SHANK2: variants seen among roughly 807,000 people sequenced by gnomAD.
SHANK2 encodes the protein SH3 and multiple ankyrin repeat domains protein 2.
Under a neutral mutation model 133.7 loss-of-function variants are expected in SHANK2, and 43 were observed. The observed-to-expected ratio is 0.32, with a 90% confidence interval of 0.25 to 0.41. The LOEUF is 0.41. Among genes scored for constraint, SHANK2 ranks in the 10% least tolerant of loss-of-function variants. The probability of loss-of-function intolerance (pLI) is 1.00; values close to 1 mark genes in which losing one functional copy is unlikely to be tolerated. For missense variants in SHANK2, 1,994 were observed against 2,235.8 expected, an observed-to-expected ratio of 0.89 and a Z score of 2.18; for synonymous variants, 1,017 against 952.8, an observed-to-expected ratio of 1.07 and a Z score of -1.24.
intron 2 of SHANK2, among the ~76,000 whole-genome samples, chr11:71,160,763 G>A (rs34661164): frequency 1.1e-4 from 16 of 152,292 alleles, no homozygotes; most frequent in African/African-American, 3.4e-4. Flanking sequence ...CCACTCCAAC[G>A]TATGCCATTT....
intron 1 of SHANK2, among the ~76,000 whole-genome samples, chr11:71,236,803 G>A (rs747366999): frequency 3.3e-5 from 5 of 152,188 alleles, no homozygotes; most frequent in African/African-American, 4.8e-5. Flanking sequence ...TTGATAGAGC[G>A]AGACTCTTGT....
At chr11:70,940,883 G>A (rs1555084315) in intron 10 of SHANK2, among the ~76,000 whole-genome samples, 1 of 152,144 alleles carries the variant, frequency 6.6e-6, no homozygotes, top group Non-Finnish European at 1.5e-5. Flanking sequence ...AGGGGTCATG[G>A]GCACTTCCTT....
intron 3 of SHANK2, among the ~76,000 whole-genome samples, chr11:71,137,787 C>T (rs1952475480): frequency 1.3e-5 from 2 of 152,196 alleles, no homozygotes; most frequent in Admixed American, 6.5e-5. Context: ...AGGATCACGA[C>T]CACCCAAGCT....
At chr11:71,221,220 A>G (rs1954532178) in intron 2 of SHANK2, among the ~76,000 whole-genome samples, 1 of 151,744 alleles carries the variant, frequency 6.6e-6, no homozygotes, top group African/African-American at 2.4e-5. Context: ...AAAAAAAAAA[A>G]GATGAAGATG....
rs187276952 is a variant in SHANK2 at position 71,132,847 on chromosome 11, C to T, written c.208-13815G>A. Among the ~76,000 whole-genome samples, 4 of 152,244 alleles carry T rather than the reference C, an allele frequency of 2.6e-5. No homozygotes were observed. In the East Asian group the frequency reaches 7.7e-4, roughly 29 times the overall value. The stretch of plus-strand genomic sequence containing the variant: ...AATTTGTAACTCACCAGTTTCTTGA[C>T]TAAAATAGTCAAGTGTAAACCACTC... On this transcript the variant is annotated intron_variant, in intron 3 of 25. Transcript: ENST00000601538.
At position 70,878,127 on chromosome 11, in the gene SHANK2, T is replaced by C. The variant is rs954865558; in HGVS notation, c.1174+18374A>G. ...CACAGGAAGGAAGGTGTCGCCTTTATGGCCTTCGCTCTGTGGATGAAGTCA... is the reference window on the plus strand; with the variant it reads ...CACAGGAAGGAAGGTGTCGCCTTTACGGCCTTCGCTCTGTGGATGAAGTCA... On this transcript the variant is annotated intron_variant, in intron 11 of 25. Coordinates refer to ENST00000601538, the MANE Select transcript of SHANK2 (RefSeq NM_012309.5). Among the ~76,000 whole-genome samples the C allele has an allele frequency of 3.3e-5, 5 of 152,242 alleles. No homozygotes were observed. The East Asian group carries it at 5.8e-4, about 18-fold the overall frequency.
chr11:71,164,710 T>C (rs2135478500), intron 2 of SHANK2, among the ~76,000 whole-genome samples: 1 of 152,364 alleles, frequency 6.6e-6, no homozygotes, highest in South Asian at 2.1e-4. Context: ...TAGATGTTCT[T>C]GTACACTAAA....
intron 7 of SHANK2, among the ~76,000 whole-genome samples, chr11:71,093,566 G>A (rs765679188): frequency 2.0e-4 from 30 of 151,976 alleles, no homozygotes; most frequent in Non-Finnish European, 4.0e-4. Flanking sequence ...TAAAAGTGTG[G>A]CATCTCCTCC....
intron 17 of SHANK2, among the ~76,000 whole-genome samples, chr11:70,575,827 C>T (rs1031075163): frequency 6.6e-6 from 1 of 151,730 alleles, no homozygotes; most frequent in African/African-American, 2.4e-5. Context: ...GGGGCGTGGG[C>T]TGGATAGGGT....
chr11:70,883,910 C>T (rs1490853583), intron 11 of SHANK2, among the ~76,000 whole-genome samples: 1 of 152,236 alleles, frequency 6.6e-6, no homozygotes, highest in Non-Finnish European at 1.5e-5. Flanking sequence ...TGGTCATGAC[C>T]TTGGTGGTCT....
intron 10 of SHANK2, among the ~76,000 whole-genome samples, chr11:70,905,966 C>G (rs1555077887): frequency 6.6e-6 from 1 of 152,116 alleles, no homozygotes; most frequent in African/African-American, 2.4e-5. Flanking sequence ...CACATGCCAC[C>G]ATGCCCGGCT....
At chr11:70,551,512 C>G (rs183582443) in intron 17 of SHANK2, among the ~76,000 whole-genome samples, 2 of 152,224 alleles carry the variant, frequency 1.3e-5, no homozygotes, top group African/African-American at 4.8e-5. Context: ...TATCTACCCC[C>G]GGCCTCGGCA....
intron 14 of SHANK2, among the ~76,000 whole-genome samples, chr11:70,738,816 G>A (rs1202538932): frequency 1.3e-5 from 2 of 152,214 alleles, no homozygotes; most frequent in African/African-American, 2.4e-5. Flanking sequence ...AACAAAAGCA[G>A]TAAGCAAACC....
intron 2 of SHANK2, among the ~76,000 whole-genome samples, chr11:71,221,061 C>T (rs1323442289): frequency 6.6e-6 from 1 of 151,912 alleles, no homozygotes; most frequent in Admixed American, 6.6e-5. Context: ...ATTAGCCGGG[C>T]TTGGTGGCAG....
intron 11 of SHANK2, among the ~76,000 whole-genome samples, chr11:70,846,571 T>C (rs1949000467): frequency 1.3e-5 from 2 of 152,150 alleles, no homozygotes; most frequent in Admixed American, 1.3e-4. Context: ...TGTCAATCAA[T>C]AACAAGGATG....
At position 70,486,635 on chromosome 11, in the gene SHANK2, G is replaced by A; in HGVS notation, c.3658C>T (p.Leu1220Phe). ...LDPSSPLALALSARDRAMKES... is the reference protein window; with the variant it reads ...LDPSSPLALAFSARDRAMKES... Reference sequence around the variant, plus strand: ...TTCATGGCTCGGTCCCTTGCGGAGAGTGCCAGGGCCAGCGGGGAGCTGGGA... The same window carrying A: ...TTCATGGCTCGGTCCCTTGCGGAGAATGCCAGGGCCAGCGGGGAGCTGGGA... The change falls in exon 25 of 26, where the codon CTC becomes TTC. Residue 1220 changes from leucine (L) to phenylalanine (F), a missense_variant. Leu to Phe is a conservative substitution (Grantham distance 22). Around this residue, in one of 5 missense-constraint regions of SHANK2, gnomAD observed 797 missense variants for 907.4 expected, o/e 0.88. Coordinates refer to ENST00000601538, the MANE Select transcript of SHANK2 (RefSeq NM_012309.5). This position sits in a 1 kb window ranked among gnomAD's most constrained non-coding sequence, Gnocchi z 8.0. 1.2e-6 allele frequency: 2 copies of A among 1,613,052 alleles called. No homozygotes were observed. Among genetic ancestry groups the A allele is most frequent in the Non-Finnish European group, 1.7e-6 (2 of 1,180,010 alleles).
At chr11:70,588,498 C>G (rs1241797240) in intron 17 of SHANK2, among the ~76,000 whole-genome samples, 1 of 152,202 alleles carries the variant, frequency 6.6e-6, no homozygotes, top group Non-Finnish European at 1.5e-5. Context: ...AACCATATCA[C>G]TGATATGGAG....
At chr11:70,774,533 T>C (rs1453253639) in intron 14 of SHANK2, among the ~76,000 whole-genome samples, 1 of 152,158 alleles carries the variant, frequency 6.6e-6, no homozygotes, top group East Asian at 1.9e-4. Flanking sequence ...TTAGCCAGGC[T>C]GGTCTCGAAC....
chr11:71,238,703 T>G (rs1054780930), intron 1 of SHANK2, among the ~76,000 whole-genome samples: 1 of 152,240 alleles, frequency 6.6e-6, no homozygotes, highest in Admixed American at 6.5e-5. Context: ...TGAAACACAG[T>G]GACACTCAAC....
Sources: gnomAD v4.1 joint callset for allele counts (sites outside exome capture counted in the v4.1 genomes callset) on GRCh38, gnomAD v4.1.1 for gene constraint, gnomAD v4.1.1 regional missense constraint, Gnocchi (gnomAD v3.1) non-coding constraint, MANE v1.5 for transcripts, NCBI Gene and HGNC (gene_info 2026-07-23, HGNC 2026-07-21) for gene names.